Variants in SLC22A3 observed in about 807,000 individuals in gnomAD.
SLC22A3 encodes solute carrier family 22 member 3.
SLC22A3 carries 51 observed loss-of-function variants against 59.1 expected under a neutral mutation model. That is an observed-to-expected ratio of 0.86 (90% CI 0.69 to 1.09). The LOEUF is 1.09. SLC22A3 is among the 50% of genes least tolerant of loss of function. The pLI is 0.00. For synonymous variants in SLC22A3, 325 were observed against 292.0 expected (o/e 1.11, Z -1.15); for missense variants, 711 against 726.3 (o/e 0.98, Z 0.24).
chr6:160,364,907 T>G (rs1441676060), intron 1 of SLC22A3, among the ~76,000 whole-genome samples: 1 of 152,226 alleles, frequency 6.6e-6, no homozygotes, highest in African/African-American at 2.4e-5. Context: ...TTAATAGCTA[T>G]GCTCTGTTAA....
At chr6:160,352,253 T>C (rs1009248976) in intron 1 of SLC22A3, among the ~76,000 whole-genome samples, 3 of 152,238 alleles carry the variant, frequency 2.0e-5, no homozygotes, top group Non-Finnish European at 4.4e-5. Flanking sequence ...GGCACATCCC[T>C]TTATGGCCAG....
chr6:160,368,559 C>T (rs1484442651), intron 1 of SLC22A3, among the ~76,000 whole-genome samples: 1 of 152,168 alleles, frequency 6.6e-6, no homozygotes, highest in Non-Finnish European at 1.5e-5. Flanking sequence ...AGCTGAGCAC[C>T]TGTAATTCCC....
chr6:160,431,163 AC>A (rs1186197653), intron 5 of SLC22A3, among the ~76,000 whole-genome samples: 1 of 152,188 alleles, frequency 6.6e-6, no homozygotes, highest in Non-Finnish European at 1.5e-5. Context: ...ACAATTTTAA[AC>A]CTGGTATAGC....
intron 2 of SLC22A3, among the ~76,000 whole-genome samples, chr6:160,406,438 A>G (rs1038065159): frequency 4.6e-5 from 7 of 152,216 alleles, no homozygotes; most frequent in African/African-American, 1.4e-4. Context: ...CTATTTAATA[A>G]CACATATGCC....
rs533523085 is a variant in SLC22A3, at chr6:160,426,894, T to C, written c.976-9886T>C. On this transcript the variant is annotated intron_variant, in intron 5 of 10. Transcript: ENST00000275300. ...CTGAATAACGCCAGCTTGCTTTCTG[T>C]GTCTACCGCACTAGTGGGACTTGTG... 6.6e-5 allele frequency among the ~76,000 whole-genome samples: 10 copies of C among 152,316 alleles called. No individual in the cohort carries two copies. In the South Asian group the frequency reaches 2.1e-3, roughly 32 times the overall value.
intron 1 of SLC22A3, among the ~76,000 whole-genome samples, chr6:160,354,988 C>T (rs995435585): frequency 2.0e-4 from 30 of 152,128 alleles, no homozygotes; most frequent in Admixed American, 1.5e-3. Context: ...CTGCAGTCCC[C>T]GGAGGATGGT....
intron 5 of SLC22A3, among the ~76,000 whole-genome samples, chr6:160,428,124 C>T (rs1788032092): frequency 7.8e-6 from 1 of 128,236 alleles, no homozygotes; most frequent in African/African-American, 2.9e-5. Flanking sequence ...ATAAAACGCT[C>T]TCAGCTTTGC....
intron 1 of SLC22A3, among the ~76,000 whole-genome samples, chr6:160,355,532 T>A (rs769075360): frequency 1.3e-5 from 2 of 150,046 alleles, no homozygotes; most frequent in Non-Finnish European, 3.0e-5. Context: ...GAGGCCAAGG[T>A]GGGCAGATCA....
rs1788474345 is a variant in SLC22A3 at position 160,439,596 on chromosome 6, A to G, written c.1288+2385A>G. Among the ~76,000 whole-genome samples, 5 of 152,354 alleles carry G rather than the reference A, an allele frequency of 3.3e-5. No homozygotes were observed. The South Asian group carries it at 1.0e-3, about 32-fold the overall frequency. On this transcript the variant is annotated intron_variant, in intron 7 of 10. Transcript: ENST00000275300. ...ACTATTTTGTAGAGAATTCTTTCATATATTGGAAAATATAACACCAAGAAC... is the reference window on the plus strand; with the variant it reads ...ACTATTTTGTAGAGAATTCTTTCATGTATTGGAAAATATAACACCAAGAAC...
Position 160,447,761 on chromosome 6 carries a change from C to G in SLC22A3, c.1553C>G (p.Pro518Arg). 1 of 1,614,050 alleles carries G rather than the reference C, an allele frequency of 6.2e-7. No homozygotes were observed. The highest frequency in any genetic ancestry group is 8.5e-7 in the Non-Finnish European group (1 of 1,179,998). ...SICGGLVMLLPETKGIALPET... is the reference protein window; with the variant it reads ...SICGGLVMLLRETKGIALPET... ...TGTGGTGGCCTTGTGATGCTTTTGC[C>G]TGAAACCAAGGGTATTGCCTTGCCA... The change falls in exon 10 of 11, where the codon CCT becomes CGT. Residue 518 changes from proline (P) to arginine (R), a missense_variant. Coordinates refer to ENST00000275300, the MANE Select transcript of SLC22A3 (RefSeq NM_021977.4).
chr6:160,376,058 CA>C (rs35967743), intron 1 of SLC22A3, among the ~76,000 whole-genome samples: 1 of 151,820 alleles, frequency 6.6e-6, no homozygotes, highest in East Asian at 1.9e-4. Flanking sequence ...TGTGAAGTCT[CA>C]AAAAAAGTGA....
intron 1 of SLC22A3, among the ~76,000 whole-genome samples, chr6:160,371,938 C>CT (rs1261579140): frequency 2.0e-5 from 3 of 152,076 alleles, no homozygotes; most frequent in South Asian, 2.1e-4. Flanking sequence ...TGATGACAAG[C>CT]TTTTTTTTCA....
At chr6:160,392,895 T>C (rs1205460321) in intron 1 of SLC22A3, among the ~76,000 whole-genome samples, 1 of 151,724 alleles carries the variant, frequency 6.6e-6, no homozygotes, top group Non-Finnish European at 1.5e-5. Context: ...CAGTGATTAT[T>C]ATTATTATTA....
At chr6:160,399,919 A>G (rs1255346904) in intron 2 of SLC22A3, among the ~76,000 whole-genome samples, 2 of 152,062 alleles carry the variant, frequency 1.3e-5, no homozygotes, top group Non-Finnish European at 2.9e-5. Context: ...ATAGAAAGAC[A>G]GGAGAATACA....
intron 5 of SLC22A3, among the ~76,000 whole-genome samples, chr6:160,416,535 G>A (rs59777231): frequency 0.25 from 37,277 of 151,740 alleles, 4,746 homozygotes; most frequent in Admixed American, 0.33. Context: ...GCATGACAGC[G>A]TCTCACAATG....
chr6:160,368,923 A>G (rs577243280), intron 1 of SLC22A3, among the ~76,000 whole-genome samples: 2 of 152,278 alleles, frequency 1.3e-5, no homozygotes, highest in African/African-American at 4.8e-5. Flanking sequence ...AGCCAAACAC[A>G]TTTAACAGAT....
At chr6:160,376,471 G>A (rs760481427) in intron 1 of SLC22A3, among the ~76,000 whole-genome samples, 10 of 152,122 alleles carry the variant, frequency 6.6e-5, no homozygotes, top group East Asian at 1.9e-4. Flanking sequence ...CATGGCACAC[G>A]TATACCTATG....
In SLC22A3 at chr6:160,437,073, T is replaced by G; in HGVS notation, c.1150T>G (p.Phe384Val). ...IIGGNLYIDF[F>V]ISGVVELPGA... ...AGGGGGCAACCTCTATATAGACTTT[T>G]TCATCTCGGGCGTGGTGGAACTGCC... Residue 384 changes from phenylalanine (F) to valine (V), a missense_variant, in exon 7 of 11, where the codon TTC (phenylalanine) becomes GTC (valine). Physicochemically the swap from Phe to Val is conservative, Grantham distance 50. Coordinates refer to ENST00000275300, the MANE Select transcript of SLC22A3 (RefSeq NM_021977.4). The G allele has an allele frequency of 6.2e-7, 1 of 1,614,158 alleles. No homozygotes were observed. Among genetic ancestry groups the G allele is most frequent in the Non-Finnish European group, 8.5e-7 (1 of 1,180,008 alleles).
intron 1 of SLC22A3, among the ~76,000 whole-genome samples, chr6:160,368,002 G>A: frequency 6.6e-6 from 1 of 152,000 alleles, no homozygotes; most frequent in East Asian, 1.9e-4. Context: ...GAGCACTGCT[G>A]GAGACACCAC....
Sources: gnomAD v4.1 joint callset for allele counts (sites outside exome capture counted in the v4.1 genomes callset) on GRCh38, gnomAD v4.1.1 for gene constraint, MANE v1.5 for transcripts, NCBI Gene and HGNC (gene_info 2026-07-23, HGNC 2026-07-21) for gene names.